Variants in AFAP1L2 observed in about 807,000 individuals in gnomAD.
AFAP1L2 encodes the protein actin filament associated protein 1 like 2.
Under a neutral mutation model 99.3 loss-of-function variants are expected in AFAP1L2, and 46 were observed. The ratio of observed to expected loss-of-function variants is 0.46; its 90% confidence interval spans 0.37 to 0.59. The LOEUF (loss-of-function observed/expected upper bound fraction) is 0.59, where lower values mean the gene tolerates loss of function less well. AFAP1L2 is among the 20% of genes least tolerant of loss of function. The pLI, the probability that AFAP1L2 is intolerant of heterozygous loss-of-function variation, is 0.00. For missense variants in AFAP1L2, 959 were observed against 1,034.9 expected (o/e 0.93, Z 1.01); for synonymous variants, 397 against 419.1 (o/e 0.95, Z 0.64).
At chr10:114,297,497 T>C in intron 16 of AFAP1L2, 84 bp from the exon 17 acceptor site, 3 of 1,391,122 alleles carry the variant, frequency 2.2e-6, no homozygotes, top group Non-Finnish European at 2.9e-6. Flanking sequence ...AGGGTCTACA[T>C]ACCCCGCCAC....
upstream of AFAP1L2, among the ~76,000 whole-genome samples, chr10:114,405,000 A>T (rs906225436): frequency 6.6e-6 from 1 of 152,038 alleles, no homozygotes; most frequent in Non-Finnish European, 1.5e-5. Flanking sequence ...GCCTTCCTGG[A>T]GGGGCGAGGA....
At position 114,300,782 on chromosome 10, in the gene AFAP1L2, C is replaced by T. The variant is rs570549407; in HGVS notation, c.1543-92G>A. 2.1e-4 allele frequency: 308 copies of T among 1,484,486 alleles called. 6 individuals carry two copies. In the South Asian group the frequency reaches 3.6e-3, roughly 17 times the overall value. The allele number at this position is 1,484,486 out of a possible 1,614,324, so 92.0% of individuals were successfully genotyped here. ...CAGCCCTGCCTCACAGTTCTGGTGC[C>T]CATCTCACAGTGTTCCAAGAGATCT... is the stretch of plus-strand genomic sequence containing the variant. On this transcript the variant is annotated intron_variant, in intron 13 of 18. Transcript: ENST00000304129.
chr10:114,387,599 T>C lies in AFAP1L2; in HGVS notation c.16+16841A>G, dbSNP rs186092312. ...TAAGGGCAAAATTTCACTCCAACCC[T>C]ACAAATCCCCAAGGAAAAAGCTATC... On this transcript the variant is annotated intron_variant, in intron 1 of 18. Coordinates refer to ENST00000304129, the MANE Select transcript of AFAP1L2 (RefSeq NM_001001936.3). Among the ~76,000 whole-genome samples the C allele has an allele frequency of 1.1e-3, 162 of 152,222 alleles. 1 individual carries two copies. The highest frequency in any genetic ancestry group is 3.7e-3 in the African/African-American group (155 of 41,526).
the AFAP1L2 span, chr10:114,281,670 GGA>G: frequency 1.1e-6 from 1 of 930,802 alleles, no homozygotes; most frequent in African/African-American, 1.8e-5. Flanking sequence ...CTTGTTGTGT[GGA>G]CCAGATAGTA....
At chr10:114,363,275 A>G (rs1360026665) in intron 1 of AFAP1L2, 3 of 702,030 alleles carry the variant, frequency 4.3e-6, no homozygotes, top group Non-Finnish European at 3.5e-6. Flanking sequence ...CTTTACCGTA[A>G]CATGTAGCCT....
intron 1 of AFAP1L2, among the ~76,000 whole-genome samples, chr10:114,378,013 C>T (rs1223501656): frequency 6.6e-6 from 1 of 152,170 alleles, no homozygotes; most frequent in Non-Finnish European, 1.5e-5. Context: ...GCCTCCCAGG[C>T]AAGGAGGGCT....
intron 1 of AFAP1L2, among the ~76,000 whole-genome samples, chr10:114,353,800 A>G (rs1447378651): frequency 6.6e-6 from 1 of 152,236 alleles, no homozygotes; most frequent in Non-Finnish European, 1.5e-5. Context: ...GACAGAGGAT[A>G]AGTGGATAGA....
chr10:114,359,867 CT>C (rs1239826825), intron 1 of AFAP1L2, among the ~76,000 whole-genome samples: 2 of 152,168 alleles, frequency 1.3e-5, no homozygotes, highest in African/African-American at 4.8e-5. Context: ...GGATTTCTGC[CT>C]TGGCCCCTCC....
intron 1 of AFAP1L2, among the ~76,000 whole-genome samples, chr10:114,388,088 T>C (rs1282088084): frequency 6.6e-6 from 1 of 152,146 alleles, no homozygotes; most frequent in Admixed American, 6.5e-5. Context: ...TATGCTCAAA[T>C]TTTTCCTGTG....
chr10:114,352,365 T>C (rs1018498649), intron 1 of AFAP1L2, among the ~76,000 whole-genome samples: 4 of 149,968 alleles, frequency 2.7e-5, no homozygotes, highest in African/African-American at 9.8e-5. Flanking sequence ...TCCCAGCTAG[T>C]CGGGAGGCTG....
the AFAP1L2 span, chr10:114,289,501 A>C: frequency 6.2e-7 from 1 of 1,613,590 alleles, no homozygotes; most frequent in East Asian, 2.2e-5. Context: ...TGAGTGGGGG[A>C]ATCCACACCC....
Position 114,295,650 on chromosome 10 carries a change from C to A in AFAP1L2, c.*392G>T, listed in dbSNP as rs2040090902. 9 of 1,008,802 alleles carry A rather than the reference C, an allele frequency of 8.9e-6. No individual in the cohort carries two copies. Among genetic ancestry groups the A allele is most frequent in the African/African-American group, 1.7e-5 (1 of 57,630 alleles). 62.5% of individuals were successfully genotyped at this position (1,008,802 alleles called of 1,614,324 possible). A position where few individuals can be genotyped will look rare whatever the true frequency, so the allele number is the denominator to read the frequency against. On this transcript the variant is annotated 3_prime_UTR_variant, in exon 19 of 19. Transcript: ENST00000304129. ...CAGGAGTTTAGGTCTTCTCACTCAC[C>A]AAAGACACGTGACCCATAAGACAGG...
downstream of AFAP1L2, among the ~76,000 whole-genome samples, chr10:114,294,293 A>T (rs2039867781): frequency 6.6e-6 from 1 of 152,176 alleles, no homozygotes; most frequent in Admixed American, 6.5e-5. Flanking sequence ...CTTATAATGG[A>T]AAATACATAT....
chr10:114,283,349 G>T, the AFAP1L2 span, among the ~76,000 whole-genome samples: 1 of 151,856 alleles, frequency 6.6e-6, no homozygotes, highest in African/African-American at 2.4e-5. Flanking sequence ...ACACAGGCAG[G>T]GTAGCGAGCA....
chr10:114,310,773 C>A (rs2043112785), intron 7 of AFAP1L2, among the ~76,000 whole-genome samples: 1 of 152,222 alleles, frequency 6.6e-6, no homozygotes, highest in Non-Finnish European at 1.5e-5. Context: ...CCCTTTCCTG[C>A]CACCATTCCA....
At chr10:114,392,468 C>T (rs2057268560) in intron 1 of AFAP1L2, among the ~76,000 whole-genome samples, 1 of 152,212 alleles carries the variant, frequency 6.6e-6, no homozygotes, top group African/African-American at 2.4e-5. Context: ...ATCCATTGGA[C>T]AGGTCTGGAT....
chr10:114,363,343 C>A (rs757063981), intron 1 of AFAP1L2, among the ~76,000 whole-genome samples: 1 of 152,152 alleles, frequency 6.6e-6, no homozygotes, highest in Non-Finnish European at 1.5e-5. Flanking sequence ...ATCAGGCCAG[C>A]GGTCCACTGT....
intron 1 of AFAP1L2, among the ~76,000 whole-genome samples, chr10:114,371,904 G>A (rs761186730): frequency 3.9e-5 from 6 of 152,054 alleles, no homozygotes; most frequent in Non-Finnish European, 8.8e-5. Flanking sequence ...CATATACCTA[G>A]TGAACTAAAT....
chr10:114,329,420 G>A (rs1030963262), intron 4 of AFAP1L2, among the ~76,000 whole-genome samples: 1 of 152,146 alleles, frequency 6.6e-6, no homozygotes, highest in Admixed American at 6.5e-5. Flanking sequence ...CACAGTACGC[G>A]GTGCTCATGA....
Sources: gnomAD v4.1 joint callset for allele counts (sites outside exome capture counted in the v4.1 genomes callset) on GRCh38, gnomAD v4.1.1 for gene constraint, MANE v1.5 for transcripts, NCBI Gene and HGNC (gene_info 2026-07-23, HGNC 2026-07-21) for gene names.